Variants in IL1RAPL2 observed in about 807,000 individuals in gnomAD.
IL1RAPL2 encodes interleukin 1 receptor accessory protein like 2, also known as X-linked interleukin-1 receptor accessory protein-like 2.
In IL1RAPL2, 3 loss-of-function variants were observed where a neutral mutation model predicts 44.1. The observed-to-expected ratio is 0.07, with a 90% CI of 0.03 to 0.18. The LOEUF (loss-of-function observed/expected upper bound fraction) is 0.18, where lower values mean the gene tolerates loss of function less well. Ranked by LOEUF, IL1RAPL2 falls within the 10% of genes least tolerant of loss-of-function variation. The pLI is 1.00. For missense variants in IL1RAPL2, 391 were observed against 496.4 expected (o/e 0.79, Z 2.02); for synonymous variants, 181 against 178.8 (o/e 1.01, Z -0.10).
At chrX:105,066,861 A>G (rs917138103) in intron 2 of IL1RAPL2, among the ~76,000 whole-genome samples, 3 of 111,512 alleles carry the variant, frequency 2.7e-5, no homozygotes, top group Non-Finnish European at 5.6e-5. Flanking sequence ...CTCCCTTCCC[A>G]GAATCTTCTT....
intron 2 of IL1RAPL2, among the ~76,000 whole-genome samples, chrX:105,035,360 T>G (rs2147755712): frequency 8.9e-6 from 1 of 112,225 alleles, no homozygotes; most frequent in South Asian, 3.7e-4. Context: ...AGACTGGAGC[T>G]GTTCCTATTC....
At chrX:104,803,450 T>A (rs1932898675) in intron 2 of IL1RAPL2, among the ~76,000 whole-genome samples, 1 of 112,074 alleles carries the variant, frequency 8.9e-6, no homozygotes, top group African/African-American at 3.2e-5. Context: ...TTCTCACTAC[T>A]TAGAGCTTAC....
intron 2 of IL1RAPL2, among the ~76,000 whole-genome samples, chrX:104,964,447 G>T (rs1419797678): frequency 9.2e-6 from 1 of 108,962 alleles, no homozygotes; most frequent in Non-Finnish European, 1.9e-5. Context: ...GAGTAGCTGG[G>T]ACTACAGGCG....
At chrX:104,913,776 C>T (rs897139079) in intron 2 of IL1RAPL2, among the ~76,000 whole-genome samples, 1 of 111,774 alleles carries the variant, frequency 8.9e-6, no homozygotes, top group Admixed American at 9.5e-5. Context: ...CATAGTAGAG[C>T]CTTCTATTTG....
intron 5 of IL1RAPL2, among the ~76,000 whole-genome samples, chrX:105,479,583 T>G (rs904380918): frequency 1.2e-4 from 13 of 107,920 alleles, no homozygotes; most frequent in African/African-American, 4.4e-4. Flanking sequence ...CTACTAAAAA[T>G]ACAAAATTAG....
chrX:104,800,899 A>G (rs968026001), intron 2 of IL1RAPL2, among the ~76,000 whole-genome samples: 4 of 112,020 alleles, frequency 3.6e-5, no homozygotes, highest in Non-Finnish European at 7.5e-5. Context: ...AATCTGAGAA[A>G]CCCAGGGCCA....
Position 105,169,492 on chromosome X carries a change from C to CTTTTTTTTTTTTTTTTT in IL1RAPL2, c.83-25969_83-25953dup. 1.3e-3 allele frequency among the ~76,000 whole-genome samples: 54 copies of CTTTTTTTTTTTTTTTTT among 41,561 alleles called. 14 individuals are homozygous for CTTTTTTTTTTTTTTTTT. The highest frequency in any genetic ancestry group is 7.3e-3 in the African/African-American group (53 of 7,272). 36.1% of individuals were successfully genotyped at this position (41,561 alleles called of 115,157 possible). A position where few individuals can be genotyped will look rare whatever the true frequency, so the allele number is the denominator to read the frequency against. On this transcript the variant is annotated intron_variant, in intron 2 of 10. Coordinates refer to ENST00000372582, the MANE Select transcript of IL1RAPL2 (RefSeq NM_017416.2). Reference sequence around the variant, plus strand: ...TGAGAAACTTTCAGTTTCTTTCTTTCTTTTTTTTTTTTTTTTTTTTTTTTT... The same window carrying CTTTTTTTTTTTTTTTTT: ...TGAGAAACTTTCAGTTTCTTTCTTTCTTTTTTTTTTTTTTTTTTTTTTTTTTTTTTTTTTTTTTTTTT...
At chrX:105,138,898 T>C (rs771216596) in intron 2 of IL1RAPL2, among the ~76,000 whole-genome samples, 1 of 111,384 alleles carries the variant, frequency 9.0e-6, no homozygotes, top group African/African-American at 3.3e-5. Flanking sequence ...CCTGTGAGAC[T>C]ATCATTCCTG....
At chrX:104,726,883 G>T (rs967438531) in intron 2 of IL1RAPL2, among the ~76,000 whole-genome samples, 1 of 109,536 alleles carries the variant, frequency 9.1e-6, no homozygotes, top group Non-Finnish European at 1.9e-5. Context: ...GACTGTTTTG[G>T]CTATTAGGGC....
intron 5 of IL1RAPL2, among the ~76,000 whole-genome samples, chrX:105,447,105 AT>A (rs2035963673): frequency 4.0e-5 from 2 of 49,813 alleles, no homozygotes; most frequent in Admixed American, 3.0e-4. Flanking sequence ...ATATATATAT[AT>A]AAAAATATAT....
At chrX:105,661,478 T>A (rs2037719751) in intron 6 of IL1RAPL2, among the ~76,000 whole-genome samples, 1 of 112,336 alleles carries the variant, frequency 8.9e-6, no homozygotes, top group African/African-American at 3.2e-5. Flanking sequence ...TACAATTTAT[T>A]ATCTGCAGCA....
chrX:105,521,628 CT>C (rs202244596), intron 6 of IL1RAPL2, among the ~76,000 whole-genome samples: 6,504 of 111,663 alleles, frequency 0.058, 305 homozygotes, highest in African/African-American at 0.15. Context: ...ATCATGGGGG[CT>C]TCCCCCTTTG....
At chrX:105,412,829 A>C (rs2147741716) in intron 5 of IL1RAPL2, among the ~76,000 whole-genome samples, 1 of 112,328 alleles carries the variant, frequency 8.9e-6, no homozygotes, top group East Asian at 2.8e-4. Context: ...TATGTCAATA[A>C]AAAATAAAAA....
intron 5 of IL1RAPL2, among the ~76,000 whole-genome samples, chrX:105,278,042 A>G (rs2034499950): frequency 9.0e-6 from 1 of 111,455 alleles, no homozygotes; most frequent in Non-Finnish European, 1.9e-5. Context: ...TTTTTGTATC[A>G]TGTTTCTATG....
At chrX:105,499,761 G>A (rs1389967869) in intron 6 of IL1RAPL2, among the ~76,000 whole-genome samples, 1 of 111,738 alleles carries the variant, frequency 8.9e-6, no homozygotes, top group Non-Finnish European at 1.9e-5. Flanking sequence ...AATAAGCGCT[G>A]GTAAGGATAT....
intron 2 of IL1RAPL2, among the ~76,000 whole-genome samples, chrX:104,677,951 C>G (rs982255142): frequency 8.9e-6 from 1 of 112,519 alleles, no homozygotes; most frequent in African/African-American, 3.2e-5. Context: ...CACCCTGCTT[C>G]GGCTCGCGCA....
At chrX:105,260,364 G>A (rs777862899) in intron 4 of IL1RAPL2, among the ~76,000 whole-genome samples, 1 of 112,461 alleles carries the variant, frequency 8.9e-6, no homozygotes, top group Admixed American at 9.3e-5. Flanking sequence ...GGCCCAGTTT[G>A]GGAGGTCCCG....
Position 105,388,148 on chromosome X carries a change from C to CAAAAAAAAAAAAAA in IL1RAPL2, c.698-96138_698-96125dup, listed in dbSNP as rs760730401. Among the ~76,000 whole-genome samples, 3 of 5,386 alleles carry CAAAAAAAAAAAAAA rather than the reference C, an allele frequency of 5.6e-4. 1 individual carries two copies. The highest frequency in any genetic ancestry group is 1.7e-3 in the Non-Finnish European group (3 of 1,803). 4.7% of individuals were successfully genotyped at this position (5,386 alleles called of 115,157 possible). On this transcript the variant is annotated intron_variant, in intron 5 of 10. Coordinates refer to ENST00000372582, the MANE Select transcript of IL1RAPL2 (RefSeq NM_017416.2). ...GGGCAACAAGAGCGAAACTCCATCT[C>CAAAAAAAAAAAAAA]AAAAAAAAAAAAAAAAAAAAAAAAA...
At chrX:105,140,803 G>A (rs1010546999) in intron 2 of IL1RAPL2, among the ~76,000 whole-genome samples, 1 of 112,302 alleles carries the variant, frequency 8.9e-6, no homozygotes, top group Admixed American at 9.4e-5. Context: ...GAAACCAATT[G>A]TGAAATAAAT....
Sources: allele counts gnomAD v4.1 joint callset (sites outside exome capture counted in the v4.1 genomes callset), GRCh38; gene constraint gnomAD v4.1.1; transcripts MANE v1.5; gene names NCBI Gene and HGNC (gene_info 2026-07-23, HGNC 2026-07-21).